Variants in GPC5 observed in about 807,000 individuals in gnomAD.
GPC5 encodes the protein glypican-5.
GPC5 carries 47 observed loss-of-function variants against 53.9 expected under a neutral mutation model. The ratio of observed to expected loss-of-function variants is 0.87; its 90% CI spans 0.69 to 1.11. The LOEUF is 1.11. Ranked by LOEUF, GPC5 falls within the 50% of genes most tolerant of loss-of-function variation. GPC5 has a pLI of 0.00. For missense variants in GPC5, 748 were observed against 713.1 expected (o/e 1.05, Z -0.56); for synonymous variants, 286 against 263.3 (o/e 1.09, Z -0.84).
intron 7 of GPC5, among the ~76,000 whole-genome samples, chr13:92,737,256 C>T (rs1458536104): frequency 1.3e-5 from 2 of 152,014 alleles, no homozygotes; most frequent in Non-Finnish European, 2.9e-5. Context: ...GAATTATTGC[C>T]ATGATTCATG....
chr13:91,705,996 T>C (rs2036095538), intron 3 of GPC5, among the ~76,000 whole-genome samples: 1 of 151,246 alleles, frequency 6.6e-6, no homozygotes, highest in Non-Finnish European at 1.5e-5. Context: ...TTCTCCTGCC[T>C]CAACTTCCCT....
chr13:91,650,316 A>T (rs1346030553), intron 2 of GPC5, among the ~76,000 whole-genome samples: 1 of 152,172 alleles, frequency 6.6e-6, no homozygotes. Context: ...CCAATCTGTT[A>T]TTCATCTTTA....
intron 4 of GPC5, among the ~76,000 whole-genome samples, chr13:91,729,785 A>G (rs2036655174): frequency 6.6e-6 from 1 of 152,204 alleles, no homozygotes; most frequent in Non-Finnish European, 1.5e-5. Flanking sequence ...AATAAAACCC[A>G]TCTACAGAAG....
intron 7 of GPC5, among the ~76,000 whole-genome samples, chr13:92,480,298 T>A (rs986562999): frequency 1.3e-5 from 2 of 152,134 alleles, no homozygotes; most frequent in African/African-American, 4.8e-5. Context: ...GAACATTGCC[T>A]TGTTTACACA....
At chr13:92,593,843 G>A (rs1169443437) in intron 7 of GPC5, among the ~76,000 whole-genome samples, 1 of 152,178 alleles carries the variant, frequency 6.6e-6, no homozygotes, top group African/African-American at 2.4e-5. Flanking sequence ...TATTTCAGTG[G>A]ATTTGTAGGG....
chr13:92,324,610 C>T (rs1241305705), intron 7 of GPC5, among the ~76,000 whole-genome samples: 2 of 151,306 alleles, frequency 1.3e-5, no homozygotes, highest in Non-Finnish European at 3.0e-5. Context: ...AAGTCAAATT[C>T]AATGGAATAG....
Position 91,830,773 on chromosome 13 carries a change from T to C in GPC5, c.1280+74353T>C, listed in dbSNP as rs1229884800. 4.8e-5 allele frequency among the ~76,000 whole-genome samples: 6 copies of C among 126,092 alleles called. No individual in the cohort carries two copies. In the East Asian group the frequency reaches 1.7e-3, roughly 35 times the overall value. 82.7% of individuals were successfully genotyped at this position (126,092 alleles called of 152,430 possible). On this transcript the variant is annotated intron_variant, in intron 5 of 7. Coordinates refer to ENST00000377067, the MANE Select transcript of GPC5 (RefSeq NM_004466.6). ...ATACACATATATATATCCTATTATA[T>C]ATAAAATATATATATACTATTATAT... is the stretch of plus-strand genomic sequence containing the variant.
intron 7 of GPC5, among the ~76,000 whole-genome samples, chr13:92,434,079 C>T (rs1209503647): frequency 6.6e-6 from 1 of 152,120 alleles, no homozygotes; most frequent in Non-Finnish European, 1.5e-5. Flanking sequence ...AGTCCCAGGC[C>T]AAACCAAATT....
intron 6 of GPC5, among the ~76,000 whole-genome samples, chr13:92,048,239 T>C (rs991007781): frequency 6.6e-5 from 10 of 151,766 alleles, no homozygotes; most frequent in Admixed American, 1.3e-4. Context: ...ATATTACAAA[T>C]AATAGTGTAT....
intron 6 of GPC5, among the ~76,000 whole-genome samples, chr13:91,947,496 C>G (rs1277787894): frequency 6.6e-6 from 1 of 152,106 alleles, no homozygotes; most frequent in Non-Finnish European, 1.5e-5. Context: ...TATTCCTACT[C>G]AAGTATTCTT....
At chr13:92,455,376 T>A (rs1002171713) in intron 7 of GPC5, among the ~76,000 whole-genome samples, 1 of 152,216 alleles carries the variant, frequency 6.6e-6, no homozygotes, top group African/African-American at 2.4e-5. Flanking sequence ...ATATATTTTA[T>A]GTATGATCTC....
chr13:92,231,322 A>C (rs953283533), intron 7 of GPC5, among the ~76,000 whole-genome samples: 3 of 152,166 alleles, frequency 2.0e-5, no homozygotes, highest in African/African-American at 7.2e-5. Flanking sequence ...AGTGCATGTT[A>C]TCTCTCTTTT....
intron 6 of GPC5, among the ~76,000 whole-genome samples, chr13:92,091,780 A>C (rs1594759423): frequency 6.7e-6 from 1 of 150,372 alleles, no homozygotes; most frequent in South Asian, 2.1e-4. Flanking sequence ...AAAAAAAAAA[A>C]CAATGTGAAA....
intron 7 of GPC5, among the ~76,000 whole-genome samples, chr13:92,498,017 A>G (rs1880040703): frequency 6.6e-6 from 1 of 152,106 alleles, no homozygotes; most frequent in Non-Finnish European, 1.5e-5. Flanking sequence ...TTCTAAATAT[A>G]AAATCATGTC....
Position 92,328,283 on chromosome 13 carries a change from G to T in GPC5, c.1561+183294G>T, listed in dbSNP as rs918841625. The stretch of plus-strand genomic sequence containing the variant: ...GGTAGGCAAATGGAGTATGGCAACA[G>T]AAATATCTGGAGGACTGCAAAACAC... On this transcript the variant is annotated intron_variant, in intron 7 of 7. Coordinates refer to ENST00000377067, the MANE Select transcript of GPC5 (RefSeq NM_004466.6). Among the ~76,000 whole-genome samples, 5 of 152,126 alleles carry T rather than the reference G, an allele frequency of 3.3e-5. 1 individual carries two copies. Among genetic ancestry groups the T allele is most frequent in the Admixed American group, 3.3e-4 (5 of 15,266 alleles).
chr13:91,655,258 A>C (rs979621771), intron 2 of GPC5, among the ~76,000 whole-genome samples: 8 of 152,188 alleles, frequency 5.3e-5, no homozygotes, highest in Admixed American at 4.6e-4. Context: ...TAACTGTTGT[A>C]TGCTAGGACA....
At chr13:92,636,890 T>C (rs1388541267) in intron 7 of GPC5, among the ~76,000 whole-genome samples, 1 of 152,158 alleles carries the variant, frequency 6.6e-6, no homozygotes, top group African/African-American at 2.4e-5. Context: ...CTCAACATTG[T>C]CTTTTCCTTC....
At chr13:91,653,248 G>T (rs1244987311) in intron 2 of GPC5, among the ~76,000 whole-genome samples, 3 of 152,144 alleles carry the variant, frequency 2.0e-5, no homozygotes, top group Admixed American at 1.3e-4. Flanking sequence ...TGTCTTTCCA[G>T]GTTGATCCTC....
At chr13:92,551,104 A>G (rs916040939) in intron 7 of GPC5, among the ~76,000 whole-genome samples, 1 of 151,894 alleles carries the variant, frequency 6.6e-6, no homozygotes, top group Non-Finnish European at 1.5e-5. Context: ...ATTCATAGTT[A>G]TGTTCCAAGG....
Sources: gnomAD v4.1 joint callset for allele counts (sites outside exome capture counted in the v4.1 genomes callset) on GRCh38, gnomAD v4.1.1 for gene constraint, MANE v1.5 for transcripts, NCBI Gene and HGNC (gene_info 2026-07-23, HGNC 2026-07-21) for gene names.